Variants in KHSRP observed in about 807,000 individuals in gnomAD.
KHSRP encodes far upstream element-binding protein 2.
In KHSRP, 13 loss-of-function variants were observed where a neutral mutation model predicts 94.9. The ratio of observed to expected loss-of-function variants is 0.14; its 90% CI spans 0.09 to 0.22. The LOEUF (loss-of-function observed/expected upper bound fraction) is 0.22, where lower values mean the gene tolerates loss of function less well. Ranked by LOEUF, KHSRP falls within the 10% of genes least tolerant of loss-of-function variation. The pLI is 1.00. For synonymous variants in KHSRP, 495 were observed against 401.4 expected, an observed-to-expected ratio of 1.23 and a Z score of -2.79; for missense variants, 710 against 1,010.0, an observed-to-expected ratio of 0.70 and a Z score of 4.03.
chr19:6,414,788 T>C lies in KHSRP; in HGVS notation c.*236A>G, dbSNP rs1243516164. ...AGTGGCCAGATTGTGAGCGAGGTGG[T>C]GGCGGCCGGGCCGGTGCCCACCGTC... is the stretch of plus-strand genomic sequence containing the variant. On this transcript the variant is annotated 3_prime_UTR_variant, in exon 19 of 19. Transcript: ENST00000600480. 7.0e-6 allele frequency: 8 copies of C among 1,146,720 alleles called. No individual in the cohort carries two copies. Among genetic ancestry groups the C allele is most frequent in the East Asian group, 4.6e-5 (1 of 21,538 alleles). 71.0% of individuals were successfully genotyped at this position (1,146,720 alleles called of 1,614,324 possible). A position where few individuals can be genotyped will look rare whatever the true frequency, so the allele number is the denominator to read the frequency against.
chr19:6,422,027 G>A (rs902188626), intron 2 of KHSRP, among the ~76,000 whole-genome samples: 1 of 152,144 alleles, frequency 6.6e-6, no homozygotes, highest in Non-Finnish European at 1.5e-5. Context: ...GTCACACTAC[G>A]CACCCCAGAG....
rs767064313 is a variant in KHSRP, at chr19:6,416,527, A to G, written c.1451T>C (p.Ile484Thr). ...LFIIRGSPQQ[I>T]DHAKQLIEEK... ...CTCGATAAGCTGCTTGGCGTGGTCAATCTGCTGGGGTGAACCCCGGATGAT... is the reference window on the plus strand; with the variant it reads ...CTCGATAAGCTGCTTGGCGTGGTCAGTCTGCTGGGGTGAACCCCGGATGAT... Residue 484 changes from isoleucine (I) to threonine (T), a missense_variant, in exon 14 of 19, where the codon ATT becomes ACT. This residue lies in a region of KHSRP where 37 missense variants were observed against 61.1 expected (regional missense o/e 0.61). Transcript: ENST00000600480. The G allele has an allele frequency of 6.2e-7, 1 of 1,613,676 alleles. No individual in the cohort carries two copies. The highest frequency in any genetic ancestry group is 1.1e-5 in the South Asian group (1 of 91,052).
intron 4 of KHSRP, 48 bp from the exon 5 acceptor site, chr19:6,420,519 G>C (rs2092188963): frequency 3.2e-6 from 5 of 1,568,310 alleles, no homozygotes; most frequent in East Asian, 2.2e-5. Flanking sequence ...GAAGGGAGGA[G>C]GACAGCAGCT....
chr19:6,413,211 A>T lies in KHSRP; in HGVS notation c.*1813T>A, dbSNP rs1444823685. On this transcript the variant is annotated 3_prime_UTR_variant, in exon 19 of 19. Transcript: ENST00000600480. ...AAACTATTTTATATTTTTCTTAAAA[A>T]AAAAAAAACACAAAGTTTGTAAATT... 1 of 159,612 alleles carries T rather than the reference A, an allele frequency of 6.3e-6. No homozygotes were observed. Among genetic ancestry groups the T allele is most frequent in the Non-Finnish European group, 1.4e-5 (1 of 72,092 alleles). 9.9% of individuals were successfully genotyped at this position (159,612 alleles called of 1,614,324 possible).
intron 18 of KHSRP, 25 bp downstream of exon 18, chr19:6,415,355 C>A (rs2092135617): frequency 1.2e-6 from 2 of 1,611,154 alleles, no homozygotes; most frequent in Non-Finnish European, 1.7e-6. Flanking sequence ...GCCCCTGCCC[C>A]TGTCCCCGCA....
In KHSRP at chr19:6,422,978, A is replaced by C. The variant is rs1599246062; in HGVS notation, c.250-542T>G. On this transcript the variant is annotated intron_variant, in intron 1 of 18. Coordinates refer to ENST00000600480, the MANE Select transcript of KHSRP (RefSeq NM_001366299.1). ...GGGATATGAAATCCTCATTTGACCA[A>C]AACAGAAGACTCTCTGGATGGCTGG... is the stretch of plus-strand genomic sequence containing the variant. Among the ~76,000 whole-genome samples the C allele has an allele frequency of 3.3e-5, 5 of 152,222 alleles. No individual in the cohort carries two copies. The East Asian group carries it at 9.6e-4, about 29-fold the overall frequency.
chr19:6,417,145 G>A, intron 11 of KHSRP, 58 bp from the exon 12 acceptor site: 1 of 1,347,908 alleles, frequency 7.4e-7, no homozygotes, highest in African/African-American at 1.5e-5. Flanking sequence ...CCACCCCAGA[G>A]CCCTGCAACG....
Position 6,413,102 on chromosome 19 carries a change from T to C in KHSRP, c.*1922A>G. On this transcript the variant is annotated 3_prime_UTR_variant, in exon 19 of 19. Transcript: ENST00000600480. ...AAACACAACTGCGGCCAGCACGCAG[T>C]CTTTTTTAAACAAAAAGCACTTTAT... Among the ~76,000 whole-genome samples the C allele has an allele frequency of 8.2e-6, 1 of 121,856 alleles. No homozygotes were observed. The highest frequency in any genetic ancestry group is 3.1e-5 in the African/African-American group (1 of 32,086). 79.9% of individuals were successfully genotyped at this position (121,856 alleles called of 152,430 possible).
rs754500770 is a variant in KHSRP at position 6,418,467 on chromosome 19, C to T, written c.879+16G>A. On this transcript the variant is annotated intron_variant, in intron 9 of 18. Transcript: ENST00000600480. The surrounding 1 kb of genome is among the most constrained non-coding windows in gnomAD (Gnocchi z 4.3). The stretch of plus-strand genomic sequence containing the variant: ...GCCTCTCCAGAACCCCCTCCACCAC[C>T]CCAGGGCGTGCTCACCTGCACTTTG... 2 of 1,606,718 alleles carry T rather than the reference C, an allele frequency of 1.2e-6. No individual in the cohort carries two copies. Among genetic ancestry groups the T allele is most frequent in the African/African-American group, 1.3e-5 (1 of 74,856 alleles).
At position 6,415,205 on chromosome 19, in the gene KHSRP, T is replaced by A; in HGVS notation, c.2063A>T (p.Tyr688Phe). 1 of 1,612,164 alleles carries A rather than the reference T, an allele frequency of 6.2e-7. No individual in the cohort carries two copies. The highest frequency in any genetic ancestry group is 8.5e-7 in the Non-Finnish European group (1 of 1,179,806). ...WAEYYRQQAA[Y>F]YGQTPGPGGP... The stretch of plus-strand genomic sequence containing the variant: ...GCCAGGACCTGGGGTCTGTCCGTAG[T>A]AAGCGGCCTGCTGTCTGTAATATTC... The change falls in exon 19 of 19, where the codon TAC becomes TTC. Residue 688 changes from tyrosine (Y) to phenylalanine (F), a missense_variant. Physicochemically the swap from Tyr to Phe is conservative, Grantham distance 22 (BLOSUM62 3). This residue lies in a region of KHSRP where 292 missense variants were observed against 340.5 expected (regional missense o/e 0.86). Coordinates refer to ENST00000600480, the MANE Select transcript of KHSRP (RefSeq NM_001366299.1).
rs200313724 is a variant in KHSRP, at chr19:6,417,861, C to T, written c.979-20G>A. ...TGGCACCTGGGGAGGGAGGCAGCAG[C>T]GTCAGCTCGGCCCGCAGCTCTGCTG... is the stretch of plus-strand genomic sequence containing the variant. On this transcript the variant is annotated intron_variant, in intron 10 of 18. Coordinates refer to ENST00000600480, the MANE Select transcript of KHSRP (RefSeq NM_001366299.1). 34 of 1,610,750 alleles carry T rather than the reference C, an allele frequency of 2.1e-5. No homozygotes were observed. Among genetic ancestry groups the T allele is most frequent in the African/African-American group, 5.3e-5 (4 of 74,894 alleles).
At position 6,414,607 on chromosome 19, in the gene KHSRP, C is replaced by A; in HGVS notation, c.*417G>T. ...CGGGGCAGGGGCCTGGGCCGCTCCC[C>A]GCGTCCCCACCAGTCCCTGCCAGAG... On this transcript the variant is annotated 3_prime_UTR_variant, in exon 19 of 19. Coordinates refer to ENST00000600480, the MANE Select transcript of KHSRP (RefSeq NM_001366299.1). The A allele has an allele frequency of 9.9e-7, 1 of 1,010,432 alleles. No homozygotes were observed. Among genetic ancestry groups the A allele is most frequent in the Non-Finnish European group, 1.2e-6 (1 of 847,226 alleles). 62.6% of individuals were successfully genotyped at this position (1,010,432 alleles called of 1,614,324 possible). A position where few individuals can be genotyped will look rare whatever the true frequency, so the allele number is the denominator to read the frequency against.
chr19:6,417,379 TC>T (rs2092155992), intron 11 of KHSRP, among the ~76,000 whole-genome samples: 1 of 152,170 alleles, frequency 6.6e-6, no homozygotes, highest in East Asian at 1.9e-4. Flanking sequence ...GGGGCCCTTC[TC>T]CCCACGGCAG....
rs747615967 is a variant in KHSRP at position 6,418,813 on chromosome 19, G to A, written c.669C>T (p.Phe223=). The change falls in exon 8 of 19, where the codon TTC becomes TTT. Residue 223 remains phenylalanine, a synonymous_variant. Transcript: ENST00000600480. The surrounding 1 kb of genome is among the most constrained non-coding windows in gnomAD (Gnocchi z 4.3). The part of the protein sequence containing the change: ...SRGRGGPPGQ[F]HDNANGGQNG... ...TCTGGCCCCCGTTGGCGTTGTCGTG[G>A]AACTGTCCTGGGGGGCCCCCACGAC... 153 of 1,592,002 alleles carry A rather than the reference G, an allele frequency of 9.6e-5. No individual in the cohort carries two copies. The highest frequency in any genetic ancestry group is 1.3e-4 in the Non-Finnish European group (149 of 1,172,954).
rs2145117378 is a variant in KHSRP, at chr19:6,417,727, C to T, written c.1081+12G>A. ...GTGCACTGGCCAGGGGCAGGGTGGG[C>T]CAGGCCCTGACCTTGCTTGAACTGT... On this transcript the variant is annotated intron_variant, in intron 11 of 18. Coordinates refer to ENST00000600480, the MANE Select transcript of KHSRP (RefSeq NM_001366299.1). 2 of 1,610,404 alleles carry T rather than the reference C, an allele frequency of 1.2e-6. No homozygotes were observed. The highest frequency in any genetic ancestry group is 2.2e-5 in the East Asian group (1 of 44,862).
intron 5 of KHSRP, 89 bp from the exon 6 acceptor site, chr19:6,420,233 T>C (rs1190961128): frequency 2.3e-6 from 3 of 1,281,156 alleles, no homozygotes; most frequent in Non-Finnish European, 3.3e-6. Context: ...CCCCAGCCCC[T>C]CTGACGTTCA....
rs911116467 is a variant in KHSRP at position 6,413,518 on chromosome 19, C to A, written c.*1506G>T. 4.1e-6 allele frequency: 1 copy of A among 244,608 alleles called. No homozygotes were observed. The highest frequency in any genetic ancestry group is 8.5e-6 in the Non-Finnish European group (1 of 117,274). The allele number at this position is 244,608 out of a possible 1,614,324, so 15.2% of individuals were successfully genotyped here. On this transcript the variant is annotated 3_prime_UTR_variant, in exon 19 of 19. Coordinates refer to ENST00000600480, the MANE Select transcript of KHSRP (RefSeq NM_001366299.1). ...GGGGGGACGGGCGGGGCCGCGGGAG[C>A]TGAGCCAGGGCGGGAGGGAGAGAAG...
chr19:6,414,602 C>A lies in KHSRP; in HGVS notation c.*422G>T, dbSNP rs1392540283. 1 of 1,011,894 alleles carries A rather than the reference C, an allele frequency of 9.9e-7. No homozygotes were observed. Among genetic ancestry groups the A allele is most frequent in the Non-Finnish European group, 1.2e-6 (1 of 848,170 alleles). 62.7% of individuals were successfully genotyped at this position (1,011,894 alleles called of 1,614,324 possible). On this transcript the variant is annotated 3_prime_UTR_variant, in exon 19 of 19. Coordinates refer to ENST00000600480, the MANE Select transcript of KHSRP (RefSeq NM_001366299.1). Reference sequence around the variant, plus strand: ...CCCGGCGGGGCAGGGGCCTGGGCCGCTCCCCGCGTCCCCACCAGTCCCTGC... The same window carrying A: ...CCCGGCGGGGCAGGGGCCTGGGCCGATCCCCGCGTCCCCACCAGTCCCTGC...
chr19:6,417,653 G>A, intron 11 of KHSRP, 86 bp downstream of exon 11: 4 of 1,144,754 alleles, frequency 3.5e-6, no homozygotes, highest in Non-Finnish European at 5.1e-6. Flanking sequence ...CCACCTGGCT[G>A]ACCACGGTGC....
Sources: allele counts gnomAD v4.1 joint callset (sites outside exome capture counted in the v4.1 genomes callset), GRCh38; gene constraint gnomAD v4.1.1; regional missense constraint gnomAD v4.1.1; non-coding constraint Gnocchi (gnomAD v3.1); transcripts MANE v1.5; gene names NCBI Gene and HGNC (gene_info 2026-07-23, HGNC 2026-07-21).